The following SMARCA2 variants were observed in gnomAD, a reference collection of about 807,000 sequenced individuals.
SMARCA2 encodes SWI/SNF-related matrix-associated actin-dependent regulator of chromatin subfamily A member 2.
In SMARCA2, 61 loss-of-function variants were observed where a neutral mutation model predicts 199.8. The ratio of observed to expected loss-of-function variants is 0.31; its 90% CI spans 0.25 to 0.38. SMARCA2 has a LOEUF of 0.38. Among genes scored for constraint, SMARCA2 ranks in the 10% least tolerant of loss-of-function variants. The probability of loss-of-function intolerance (pLI) is 1.00; values close to 1 mark genes in which losing one functional copy is unlikely to be tolerated. For missense variants in SMARCA2, 1,344 were observed against 2,012.2 expected, an observed-to-expected ratio of 0.67 and a Z score of 6.35; for synonymous variants, 935 against 732.0, an observed-to-expected ratio of 1.28 and a Z score of -4.48.
At chr9:2,097,526 T>A in intron 21 of SMARCA2, 55 bp downstream of exon 21, 1 of 1,050,044 alleles carries the variant, frequency 9.5e-7, no homozygotes, top group Non-Finnish European at 1.4e-6. Flanking sequence ...CTAATGCTAG[T>A]TAAAAAAAAA....
intron 9 of SMARCA2, among the ~76,000 whole-genome samples, chr9:2,062,941 G>A (rs1307043817): frequency 6.6e-6 from 1 of 152,040 alleles, no homozygotes; most frequent in Non-Finnish European, 1.5e-5. Context: ...TTGGAGGTGG[G>A]GCCTGATTTC....
At position 2,039,792 on chromosome 9, in the gene SMARCA2, C is replaced by T; in HGVS notation, c.682C>T (p.Gln228Ter). Residue 228 changes from glutamine (Q) to a stop codon, truncating the protein, a stop_gained, in exon 4 of 34, where the codon CAG becomes TAG. Coordinates refer to ENST00000349721, the MANE Select transcript of SMARCA2 (RefSeq NM_003070.5). LOFTEE classifies it high-confidence loss of function. The surrounding 1 kb of genome is among the most constrained non-coding windows in gnomAD (Gnocchi z 4.8). ...QQQQQQQQQQQQQQQQQQQQQ... is the reference protein window; with the variant it reads ...QQQQQQQQQQ ...GCAGCAGCAACAGCAGCAGCAGCAG[C>T]AGCAGCAGCAGCAGCAGCAGCAGCA... 1 of 1,593,018 alleles carries T rather than the reference C, an allele frequency of 6.3e-7. No individual in the cohort carries two copies. The highest frequency in any genetic ancestry group is 8.6e-7 in the Non-Finnish European group (1 of 1,166,036).
chr9:2,041,516 A>G, intron 4 of SMARCA2: 1 of 397,992 alleles, frequency 2.5e-6, no homozygotes, highest in Non-Finnish European at 4.4e-6. Context: ...ACTCTCATGA[A>G]ATAGTCACCT....
In SMARCA2 at chr9:2,054,787, A is replaced by G; in HGVS notation, c.1173+64A>G. The G allele has an allele frequency of 1.9e-6, 3 of 1,539,924 alleles. No homozygotes were observed. In the South Asian group the frequency reaches 3.4e-5, roughly 17 times the overall value. Reference sequence around the variant, plus strand: ...TAAATGTAATTGTTCCTAAAGTGTTATCTGTGTTGCCTTTAGTCTATTCAA... The same window carrying G: ...TAAATGTAATTGTTCCTAAAGTGTTGTCTGTGTTGCCTTTAGTCTATTCAA... On this transcript the variant is annotated intron_variant, in intron 6 of 33. Transcript: ENST00000349721.
chr9:2,186,049 T>A, intron 31 of SMARCA2, 47 bp from the exon 32 acceptor site: 4 of 1,591,166 alleles, frequency 2.5e-6, no homozygotes, highest in Non-Finnish European at 3.4e-6. Context: ...TTCACTGCCA[T>A]GGTAACTCAG....
At chr9:2,041,571 T>C (rs1345194190) in intron 4 of SMARCA2, 4 of 395,316 alleles carry the variant, frequency 1.0e-5, no homozygotes, top group Non-Finnish European at 1.8e-5. Flanking sequence ...GGAATTAGGA[T>C]TTTAACATAT....
At chr9:2,051,572 C>T (rs1307714044) in intron 5 of SMARCA2, among the ~76,000 whole-genome samples, 1 of 152,168 alleles carries the variant, frequency 6.6e-6, no homozygotes, top group Non-Finnish European at 1.5e-5. Context: ...AGTCCTAGTT[C>T]CATGGTTGTT....
intron 29 of SMARCA2, among the ~76,000 whole-genome samples, chr9:2,180,774 G>A (rs1341330004): frequency 3.3e-5 from 5 of 152,150 alleles, no homozygotes; most frequent in African/African-American, 1.2e-4. Flanking sequence ...TGTAGCCTGT[G>A]TTTGAAAATT....
intron 8 of SMARCA2, among the ~76,000 whole-genome samples, chr9:2,059,258 C>G (rs1022421558): frequency 6.6e-6 from 1 of 152,188 alleles, no homozygotes; most frequent in East Asian, 1.9e-4. Flanking sequence ...GGTCATTAGT[C>G]TCAGACCATA....
At position 2,086,788 on chromosome 9, in the gene SMARCA2, C is replaced by T. The variant is rs749876931; in HGVS notation, c.2527-41C>T. The T allele has an allele frequency of 1.2e-6, 2 of 1,609,312 alleles. No individual in the cohort carries two copies. Among genetic ancestry groups the T allele is most frequent in the Admixed American group, 3.3e-5 (2 of 59,896 alleles). ...TGCTTGTTGGAAATAGTTGTATTTT[C>T]CCTTGCTTACTACACGTCCGTCCTT... On this transcript the variant is annotated intron_variant, in intron 17 of 33. Coordinates refer to ENST00000349721, the MANE Select transcript of SMARCA2 (RefSeq NM_003070.5). This position sits in a 1 kb window ranked among gnomAD's most constrained non-coding sequence, Gnocchi z 4.3.
intron 14 of SMARCA2, among the ~76,000 whole-genome samples, chr9:2,079,542 A>C (rs1182952992): frequency 1.3e-5 from 2 of 152,196 alleles, no homozygotes; most frequent in African/African-American, 4.8e-5. Flanking sequence ...ACACAGTAAA[A>C]ATGACAAGTA....
In SMARCA2 at chr9:2,161,910, G is replaced by T; in HGVS notation, c.4199+7G>T. The T allele has an allele frequency of 6.2e-7, 1 of 1,609,334 alleles. No homozygotes were observed. Among genetic ancestry groups the T allele is most frequent in the South Asian group, 1.1e-5 (1 of 90,800 alleles). ...TGATAAACTACAAAGATAGGTGAGTGTTTGGTTCCTTCACCTTGATCATCT... is the reference window on the plus strand; with the variant it reads ...TGATAAACTACAAAGATAGGTGAGTTTTTGGTTCCTTCACCTTGATCATCT... On this transcript the variant is annotated splice_region_variant and intron_variant, in intron 28 of 33. Transcript: ENST00000349721. The surrounding 1 kb of genome is among the most constrained non-coding windows in gnomAD (Gnocchi z 4.7).
At chr9:2,103,807 T>TA (rs553473723) in intron 22 of SMARCA2, among the ~76,000 whole-genome samples, 196 bp from the exon 23 acceptor site, 2 of 152,200 alleles carry the variant, frequency 1.3e-5, no homozygotes, top group Admixed American at 1.3e-4. Flanking sequence ...TCATGGGTTT[T>TA]ATATGAATAT....
intron 16 of SMARCA2, among the ~76,000 whole-genome samples, chr9:2,083,853 C>T (rs1429884797): frequency 2.0e-5 from 3 of 152,182 alleles, no homozygotes; most frequent in Admixed American, 6.5e-5. Context: ...ATTTCCATTT[C>T]CCTTTGCCCT....
At chr9:2,179,049 C>T (rs1398811605) in intron 29 of SMARCA2, among the ~76,000 whole-genome samples, 4 of 152,052 alleles carry the variant, frequency 2.6e-5, no homozygotes, top group African/African-American at 7.2e-5. Flanking sequence ...GGTTCTTGGT[C>T]CTGGAGGGAT....
At chr9:2,188,637 TTAATTTTC>T (rs1827659098) in intron 32 of SMARCA2, among the ~76,000 whole-genome samples, 1 of 152,246 alleles carries the variant, frequency 6.6e-6, no homozygotes, top group African/African-American at 2.4e-5. Context: ...CCTTGGTATA[TTAATTTTC>T]TATTGCTGCT....
intron 27 of SMARCA2, among the ~76,000 whole-genome samples, chr9:2,154,111 A>T (rs151001570): frequency 3.3e-5 from 5 of 152,238 alleles, no homozygotes; most frequent in African/African-American, 1.2e-4. Flanking sequence ...ACAAGATGCT[A>T]TATCTCTCTG....
At chr9:2,166,711 A>T (rs1825948157) in intron 28 of SMARCA2, among the ~76,000 whole-genome samples, 1 of 152,232 alleles carries the variant, frequency 6.6e-6, no homozygotes, top group Non-Finnish European at 1.5e-5. Context: ...GGTCTCTGTG[A>T]CATACCCCTG....
At chr9:2,143,412 A>G (rs1446603307) in intron 27 of SMARCA2, among the ~76,000 whole-genome samples, 1 of 152,204 alleles carries the variant, frequency 6.6e-6, no homozygotes, top group East Asian at 1.9e-4. Flanking sequence ...ATTTGAAATG[A>G]GAGAATGAAT....
Sources: gnomAD v4.1 joint callset for allele counts (sites outside exome capture counted in the v4.1 genomes callset) on GRCh38, gnomAD v4.1.1 for gene constraint, Gnocchi (gnomAD v3.1) non-coding constraint, MANE v1.5 for transcripts, NCBI Gene and HGNC (gene_info 2026-07-23, HGNC 2026-07-21) for gene names.